The following SETBP1 variants were observed in gnomAD, a reference collection of about 807,000 sequenced individuals.
The protein encoded by SETBP1 is SET-binding protein.
A neutral mutation model predicts 101.0 loss-of-function variants in SETBP1; 9 were observed. The ratio of observed to expected loss-of-function variants is 0.09; its 90% CI spans 0.05 to 0.16. SETBP1 has a LOEUF of 0.16. Among genes scored for constraint, SETBP1 ranks in the 10% least tolerant of loss-of-function variants. The pLI, the probability that SETBP1 is intolerant of heterozygous loss-of-function variation, is 1.00. For synonymous variants in SETBP1, 818 were observed against 788.5 expected (o/e 1.04, Z -0.63); for missense variants, 1,858 against 2,033.8 (o/e 0.91, Z 1.66).
chr18:44,825,149 G>T (rs1167008444), intron 2 of SETBP1, among the ~76,000 whole-genome samples: 1 of 152,244 alleles, frequency 6.6e-6, no homozygotes, highest in African/African-American at 2.4e-5. Context: ...GAGTTAGACT[G>T]GGATAGATCT....
At chr18:44,940,242 C>T (rs1186358413) in intron 3 of SETBP1, among the ~76,000 whole-genome samples, 3 of 152,120 alleles carry the variant, frequency 2.0e-5, no homozygotes, top group Non-Finnish European at 2.9e-5. Context: ...CCTCCTTTTA[C>T]TTTTAAGCTG....
chr18:44,918,453 A>G (rs1013201624), intron 3 of SETBP1, among the ~76,000 whole-genome samples: 2 of 152,218 alleles, frequency 1.3e-5, no homozygotes, highest in African/African-American at 4.8e-5. Context: ...TGAGTTAGAA[A>G]ACATGGAATT....
chr18:44,984,480 G>A (rs956633195), intron 4 of SETBP1, among the ~76,000 whole-genome samples: 6 of 152,114 alleles, frequency 3.9e-5, no homozygotes, highest in East Asian at 1.9e-4. Context: ...GAGCTCAGGC[G>A]GTAATGCTCA....
intron 3 of SETBP1, among the ~76,000 whole-genome samples, chr18:44,908,303 G>C (rs981161182): frequency 2.0e-5 from 3 of 151,790 alleles, no homozygotes; most frequent in Admixed American, 6.6e-5. Context: ...TCGCCACCTC[G>C]GCCTCCCAAA....
intron 2 of SETBP1, among the ~76,000 whole-genome samples, chr18:44,824,091 C>T (rs1229953978): frequency 2.0e-5 from 3 of 152,184 alleles, no homozygotes; most frequent in East Asian, 1.9e-4. Context: ...AGACCAGTTA[C>T]CTTGACTTGA....
At position 45,006,340 on chromosome 18, in the gene SETBP1, G is replaced by C. The variant is rs142666362; in HGVS notation, c.4001-32145G>C. Among the ~76,000 whole-genome samples, 206 of 152,166 alleles carry C rather than the reference G, an allele frequency of 1.4e-3. 1 individual carries two copies. Among genetic ancestry groups the C allele is most frequent in the Admixed American group, 2.2e-3 (34 of 15,280 alleles). On this transcript the variant is annotated intron_variant, in intron 4 of 5. Transcript: ENST00000649279. ...GTTCCTACTAGCTTGTTCTTTAATT[G>C]TTCCTTGTAGGTTCGTTCAGAGTCT... is the stretch of plus-strand genomic sequence containing the variant.
intron 2 of SETBP1, among the ~76,000 whole-genome samples, chr18:44,719,769 C>G (rs569025315): frequency 2.0e-5 from 3 of 152,178 alleles, no homozygotes; most frequent in Non-Finnish European, 2.9e-5. Flanking sequence ...GCCCTGATTG[C>G]AGGAGCAGCA....
At chr18:44,810,649 G>A (rs2071842436) in intron 2 of SETBP1, among the ~76,000 whole-genome samples, 1 of 152,158 alleles carries the variant, frequency 6.6e-6, no homozygotes, top group Non-Finnish European at 1.5e-5. Context: ...TCCTTATCAT[G>A]TCATGTCCAC....
rs576205145 is a variant in SETBP1 at position 44,828,588 on chromosome 18, G to C, written c.487-40642G>C. Among the ~76,000 whole-genome samples the C allele has an allele frequency of 2.6e-5, 4 of 152,204 alleles. No homozygotes were observed. In the East Asian group the frequency reaches 5.8e-4, roughly 22 times the overall value. On this transcript the variant is annotated intron_variant, in intron 2 of 5. Coordinates refer to ENST00000649279, the MANE Select transcript of SETBP1 (RefSeq NM_015559.3). ...ATAATATGAAGGGTCGTACAGAAAGGGGGTGGATGATGGAAGGAGAGACAA... is the reference window on the plus strand; with the variant it reads ...ATAATATGAAGGGTCGTACAGAAAGCGGGTGGATGATGGAAGGAGAGACAA...
intron 4 of SETBP1, among the ~76,000 whole-genome samples, chr18:45,037,347 C>T (rs1165746285): frequency 2.6e-5 from 4 of 152,062 alleles, no homozygotes. Flanking sequence ...GAAGAACTGA[C>T]CCTTTGCTTG....
At chr18:45,016,486 C>T (rs1168274454) in intron 4 of SETBP1, among the ~76,000 whole-genome samples, 2 of 152,162 alleles carry the variant, frequency 1.3e-5, no homozygotes, top group Non-Finnish European at 1.5e-5. Flanking sequence ...CCTTCTGTAT[C>T]TTTGTTCTCT....
intron 5 of SETBP1, among the ~76,000 whole-genome samples, chr18:45,043,439 G>GAAAAAA (rs34933092): frequency 1.2e-4 from 17 of 137,902 alleles, no homozygotes; most frequent in African/African-American, 4.5e-4. Flanking sequence ...AGTCCAAGGA[G>GAAAAAA]AAAAAAAAAA....
chr18:44,695,303 C>G (rs1427942227), intron 1 of SETBP1, among the ~76,000 whole-genome samples: 2 of 152,188 alleles, frequency 1.3e-5, no homozygotes, highest in African/African-American at 4.8e-5. Flanking sequence ...TAGAAAGAAC[C>G]TGCATCTACA....
intron 2 of SETBP1, among the ~76,000 whole-genome samples, chr18:44,848,015 T>A (rs1251533668): frequency 2.0e-5 from 3 of 152,034 alleles, no homozygotes. Context: ...CTCTCAGAAA[T>A]GCTTCAGGGC....
chr18:44,682,552 G>A (rs1330119649), intron 1 of SETBP1, among the ~76,000 whole-genome samples: 1 of 152,166 alleles, frequency 6.6e-6, no homozygotes, highest in East Asian at 1.9e-4. Flanking sequence ...CTTTTGCTCT[G>A]ACGAGGGATT....
At chr18:44,836,790 A>G (rs557200866) in intron 2 of SETBP1, among the ~76,000 whole-genome samples, 1 of 152,312 alleles carries the variant, frequency 6.6e-6, no homozygotes, top group South Asian at 2.1e-4. Context: ...CAGCTCCAGC[A>G]ACAGTTTGGT....
chr18:45,025,487 G>A (rs1324857365), intron 4 of SETBP1, among the ~76,000 whole-genome samples: 1 of 152,134 alleles, frequency 6.6e-6, no homozygotes, highest in African/African-American at 2.4e-5. Flanking sequence ...ATCTAATGAT[G>A]GGTCTGAGTT....
intron 3 of SETBP1, among the ~76,000 whole-genome samples, chr18:44,882,715 C>T (rs1365386229): frequency 6.6e-6 from 1 of 152,104 alleles, no homozygotes; most frequent in Non-Finnish European, 1.5e-5. Flanking sequence ...GGAAGGCAGA[C>T]ATGGGATCAG....
chr18:44,876,842 G>A (rs973950268), intron 3 of SETBP1: 75 of 1,425,260 alleles, frequency 5.3e-5, no homozygotes, highest in Non-Finnish European at 6.8e-5. Context: ...TTGTAAACTA[G>A]TGAGTGACAG....
Sources: gnomAD v4.1 joint callset for allele counts (sites outside exome capture counted in the v4.1 genomes callset) on GRCh38, gnomAD v4.1.1 for gene constraint, MANE v1.5 for transcripts, NCBI Gene and HGNC (gene_info 2026-07-23, HGNC 2026-07-21) for gene names.